The following SMC6 variants were observed in gnomAD, a reference collection of about 807,000 sequenced individuals.
SMC6 encodes the protein structural maintenance of chromosomes 6, also known as structural maintenance of chromosomes protein 6.
In SMC6, 79 loss-of-function variants were observed where a neutral mutation model predicts 142.2. The observed-to-expected ratio is 0.56, with a 90% confidence interval of 0.46 to 0.67. The LOEUF is 0.67. SMC6 is among the 30% of genes least tolerant of loss of function. The pLI is 0.00. For missense variants in SMC6, 1,072 were observed against 1,284.0 expected, an observed-to-expected ratio of 0.83 and a Z score of 2.52; for synonymous variants, 411 against 412.4, an observed-to-expected ratio of 1.00 and a Z score of 0.04.
At chr2:17,716,975 C>G in intron 13 of SMC6, 70 bp from the exon 14 acceptor site, 1 of 1,528,642 alleles carries the variant, frequency 6.5e-7, no homozygotes, top group Non-Finnish European at 8.8e-7. Context: ...GAACACAAAC[C>G]GATGTAATAA....
chr2:17,733,691 G>C (rs1162922509), intron 5 of SMC6, among the ~76,000 whole-genome samples: 1 of 152,208 alleles, frequency 6.6e-6, no homozygotes, highest in Non-Finnish European at 1.5e-5. Flanking sequence ...TCTAGACCTA[G>C]AGAAACCAAT....
At chr2:17,711,864 G>A (rs1035194190) in intron 16 of SMC6, among the ~76,000 whole-genome samples, 87 of 152,224 alleles carry the variant, frequency 5.7e-4, no homozygotes, top group African/African-American at 1.9e-3. Flanking sequence ...AATGATCCAC[G>A]CGATTCGGCC....
Position 17,665,401 on chromosome 2 carries a change from G to C in SMC6, c.*98C>G. On this transcript the variant is annotated 3_prime_UTR_variant, in exon 28 of 28. Coordinates refer to ENST00000448223, the MANE Select transcript of SMC6 (RefSeq NM_001142286.2). ...ATATAAAGGAGTTTCTTTCATTTCA[G>C]AATGCCTCCAGTCTCATTTTATTAT... 1.7e-6 allele frequency: 1 copy of C among 592,038 alleles called. No homozygotes were observed. Among genetic ancestry groups the C allele is most frequent in the Middle Eastern group, 2.8e-4 (1 of 3,626 alleles). 36.7% of individuals were successfully genotyped at this position (592,038 alleles called of 1,614,324 possible).
intron 2 of SMC6, among the ~76,000 whole-genome samples, chr2:17,750,763 G>A (rs1208017485): frequency 6.6e-6 from 1 of 152,030 alleles, no homozygotes; most frequent in Non-Finnish European, 1.5e-5. Flanking sequence ...TACTTTGGAA[G>A]GCCAAGGCAG....
chr2:17,666,563 AT>A (rs1394690506), intron 26 of SMC6, 46 bp from the exon 27 acceptor site: 2 of 1,425,916 alleles, frequency 1.4e-6, no homozygotes, highest in South Asian at 2.3e-5. Flanking sequence ...TGTAAGTCAC[AT>A]TTCTGTAAAA....
intron 7 of SMC6, among the ~76,000 whole-genome samples, chr2:17,730,306 G>C (rs1669842651): frequency 6.6e-6 from 1 of 150,966 alleles, no homozygotes; most frequent in Non-Finnish European, 1.5e-5. Context: ...CTACAAGTGT[G>C]ATCAATAGCT....
Position 17,666,449 on chromosome 2 carries a change from C to T in SMC6, c.3132G>A (p.Gln1044=). Residue 1044 remains glutamine, a synonymous_variant, in exon 27 of 28, where the codon CAG becomes CAA. Transcript: ENST00000448223. ...TGCTTTGAGGTGTGAGCAAGATAAA[C>T]TGTCTAAAACGCTGGGAATCTGCCA... The part of the protein sequence containing the change: ...LKMADSQRFR[Q]FILLTPQSMS... The T allele has an allele frequency of 6.2e-7, 1 of 1,613,770 alleles. No individual in the cohort carries two copies. The highest frequency in any genetic ancestry group is 1.1e-5 in the South Asian group (1 of 91,024).
intron 2 of SMC6, among the ~76,000 whole-genome samples, chr2:17,750,189 A>G (rs1670954158): frequency 6.6e-6 from 1 of 152,228 alleles, no homozygotes; most frequent in Non-Finnish European, 1.5e-5. Flanking sequence ...GTGGCTCAAT[A>G]TAGAAGATAG....
chr2:17,721,885 G>A (rs921926488), intron 9 of SMC6, among the ~76,000 whole-genome samples: 6 of 151,810 alleles, frequency 4.0e-5, no homozygotes, highest in East Asian at 1.9e-4. Flanking sequence ...TGGTAGAGAC[G>A]GGGTTTCATC....
In SMC6 at chr2:17,753,805, C is replaced by T. The variant is rs533623830; in HGVS notation, c.-272G>A. On this transcript the variant is annotated 5_prime_UTR_variant, in exon 1 of 28. Transcript: ENST00000448223. The stretch of plus-strand genomic sequence containing the variant: ...GGGAGCCCCGGCGCCCACCGCGGTA[C>T]TAACCGCGCCTGCGCCCCGCCCTCC... 2.6e-5 allele frequency: 4 copies of T among 152,396 alleles called. No individual in the cohort carries two copies. The East Asian group carries it at 7.8e-4, about 30-fold the overall frequency. The allele number at this position is 152,396 out of a possible 1,614,324, so 9.4% of individuals were successfully genotyped here.
chr2:17,685,365 A>T (rs1254197332), intron 23 of SMC6, among the ~76,000 whole-genome samples: 2 of 134,736 alleles, frequency 1.5e-5, no homozygotes, highest in Non-Finnish European at 3.1e-5. Flanking sequence ...ATAATAGACA[A>T]ACACCAACAT....
chr2:17,693,896 A>G (rs2124907724), intron 23 of SMC6, among the ~76,000 whole-genome samples: 1 of 148,388 alleles, frequency 6.7e-6, no homozygotes, highest in East Asian at 2.1e-4. Flanking sequence ...GCTACTCAGG[A>G]GGCTGAGACA....
At chr2:17,746,156 T>C (rs1440131051) in intron 2 of SMC6, 4 of 477,422 alleles carry the variant, frequency 8.4e-6, no homozygotes, top group Non-Finnish European at 1.4e-5. Flanking sequence ...AGGAAATAGA[T>C]TTTCCCCTAG....
chr2:17,725,549 A>G (rs1056706972), intron 8 of SMC6, among the ~76,000 whole-genome samples, 191 bp from the exon 9 acceptor site: 25 of 152,192 alleles, frequency 1.6e-4, no homozygotes, highest in Non-Finnish European at 3.5e-4. Flanking sequence ...TGAACCTACT[A>G]TGCTCACATC....
At chr2:17,739,068 T>G (rs1489715029) in intron 4 of SMC6, among the ~76,000 whole-genome samples, 1 of 152,244 alleles carries the variant, frequency 6.6e-6, no homozygotes, top group Non-Finnish European at 1.5e-5. Flanking sequence ...ATTTGTTGAA[T>G]GAATGAACTT....
chr2:17,730,851 T>C (rs907021647), intron 7 of SMC6, among the ~76,000 whole-genome samples: 1 of 151,592 alleles, frequency 6.6e-6, no homozygotes, highest in Non-Finnish European at 1.5e-5. Flanking sequence ...TGACCTCAGG[T>C]GATCCACCCG....
At chr2:17,714,794 T>A in intron 16 of SMC6, 67 bp downstream of exon 16, 1 of 1,483,348 alleles carries the variant, frequency 6.7e-7, no homozygotes. Context: ...TAAAAGTGTT[T>A]TAACTCTTTC....
intron 18 of SMC6, among the ~76,000 whole-genome samples, chr2:17,706,896 T>C (rs967832288): frequency 6.6e-6 from 1 of 152,136 alleles, no homozygotes; most frequent in Admixed American, 6.6e-5. Flanking sequence ...TAGGCAAAAC[T>C]AAACAGTGAG....
chr2:17,694,923 C>T (rs548137626), intron 23 of SMC6, among the ~76,000 whole-genome samples: 45 of 152,088 alleles, frequency 3.0e-4, no homozygotes, highest in African/African-American at 1.0e-3. Context: ...TATAGATACA[C>T]GAAAGCATTT....
Sources: gnomAD v4.1 joint callset for allele counts (sites outside exome capture counted in the v4.1 genomes callset) on GRCh38, gnomAD v4.1.1 for gene constraint, MANE v1.5 for transcripts, NCBI Gene and HGNC (gene_info 2026-07-23, HGNC 2026-07-21) for gene names.